CTNND2: variants seen among roughly 807,000 people sequenced by gnomAD.
CTNND2 encodes catenin delta 2, also known as catenin delta-2.
In CTNND2, 22 loss-of-function variants were observed where a neutral mutation model predicts 144.4. That is an observed-to-expected ratio of 0.15 (90% CI 0.11 to 0.22). The LOEUF is 0.22. Among genes scored for constraint, CTNND2 ranks in the 10% least tolerant of loss-of-function variants. The probability of loss-of-function intolerance (pLI) is 1.00; values close to 1 mark genes in which losing one functional copy is unlikely to be tolerated. For missense variants in CTNND2, 1,353 were observed against 1,618.8 expected, an observed-to-expected ratio of 0.84 and a Z score of 2.82; for synonymous variants, 751 against 695.6, an observed-to-expected ratio of 1.08 and a Z score of -1.25.
At chr5:11,323,019 C>A (rs368129867) in intron 9 of CTNND2, among the ~76,000 whole-genome samples, 36 of 152,190 alleles carry the variant, frequency 2.4e-4, no homozygotes, top group African/African-American at 7.2e-4. Context: ...ATGTGAGGCA[C>A]AAGTTTACCA....
At chr5:11,501,025 GTTGT>G (rs141910002) in intron 3 of CTNND2, among the ~76,000 whole-genome samples, 4,126 of 152,080 alleles carry the variant, frequency 0.027, 76 homozygotes, top group Non-Finnish European at 0.041. Flanking sequence ...GAATTTTCTT[GTTGT>G]TTAACTTTTT....
At chr5:11,743,631 G>C (rs1788143594) in intron 1 of CTNND2, among the ~76,000 whole-genome samples, 1 of 152,196 alleles carries the variant, frequency 6.6e-6, no homozygotes, top group Non-Finnish European at 1.5e-5. Context: ...GCAGGAGGCA[G>C]AGGAATTTCA....
At chr5:11,798,422 C>T (rs1791512994) in intron 1 of CTNND2, among the ~76,000 whole-genome samples, 1 of 152,082 alleles carries the variant, frequency 6.6e-6, no homozygotes, top group Non-Finnish European at 1.5e-5. Flanking sequence ...TGCCAGTGTG[C>T]ATGTGTGTGT....
intron 3 of CTNND2, among the ~76,000 whole-genome samples, chr5:11,446,693 A>C (rs929115368): frequency 6.6e-6 from 1 of 152,074 alleles, no homozygotes; most frequent in African/African-American, 2.4e-5. Context: ...TGGGGAAAGG[A>C]ATGTGAATTT....
At chr5:11,525,807 G>C (rs1430429119) in intron 3 of CTNND2, among the ~76,000 whole-genome samples, 1 of 152,238 alleles carries the variant, frequency 6.6e-6, no homozygotes, top group Non-Finnish European at 1.5e-5. Context: ...CCTGTTCAGG[G>C]CTTGGTGGCC....
chr5:11,786,195 G>A (rs564045334), intron 1 of CTNND2, among the ~76,000 whole-genome samples: 7 of 152,342 alleles, frequency 4.6e-5, no homozygotes, highest in African/African-American at 1.4e-4. Flanking sequence ...GCAGAGGACA[G>A]GGGCTGCTTT....
At chr5:11,817,520 C>T (rs1289732270) in intron 1 of CTNND2, among the ~76,000 whole-genome samples, 1 of 150,482 alleles carries the variant, frequency 6.6e-6, no homozygotes, top group Non-Finnish European at 1.5e-5. Context: ...AACACAACCC[C>T]ATTCCCCACA....
chr5:11,145,543 G>A (rs530229411), intron 12 of CTNND2, among the ~76,000 whole-genome samples: 2 of 152,226 alleles, frequency 1.3e-5, no homozygotes, highest in South Asian at 4.2e-4. Context: ...AACTAACTGA[G>A]GTTCCTAGAG....
At chr5:11,728,282 C>T (rs993867565) in intron 2 of CTNND2, among the ~76,000 whole-genome samples, 78 of 151,426 alleles carry the variant, frequency 5.2e-4, no homozygotes, top group Admixed American at 4.2e-3. Flanking sequence ...ACCAGCTCGA[C>T]CAACATGGTG....
At chr5:11,614,693 A>T in intron 2 of CTNND2, among the ~76,000 whole-genome samples, 1 of 152,210 alleles carries the variant, frequency 6.6e-6, no homozygotes, top group East Asian at 1.9e-4. Flanking sequence ...GGAATATTCT[A>T]GGGCAGTGAT....
rs553589565 is a variant in CTNND2, at chr5:11,845,617, T to G, written c.37+58200A>C. ...GAACAGACTCTCCCTCACAGCCTTT[T>G]AAAGAGACACCTTGGTCTTTGACTT... On this transcript the variant is annotated intron_variant, in intron 1 of 21. Transcript: ENST00000304623. 1.6e-4 allele frequency among the ~76,000 whole-genome samples: 24 copies of G among 152,196 alleles called. 1 individual carries two copies. The highest frequency in any genetic ancestry group is 2.9e-4 in the Non-Finnish European group (20 of 68,046).
intron 3 of CTNND2, among the ~76,000 whole-genome samples, chr5:11,530,066 T>C (rs895639942): frequency 1.3e-5 from 2 of 149,898 alleles, no homozygotes; most frequent in Non-Finnish European, 3.0e-5. Flanking sequence ...CCAATGGAAT[T>C]GGCATCCTAG....
intron 16 of CTNND2, among the ~76,000 whole-genome samples, chr5:11,074,169 G>C (rs1256464258): frequency 1.3e-5 from 2 of 152,202 alleles, no homozygotes; most frequent in Admixed American, 6.5e-5. Context: ...CGTGATCAGT[G>C]ACCCTCAAGA....
At chr5:11,382,091 A>G (rs1758546491) in intron 7 of CTNND2, among the ~76,000 whole-genome samples, 2 of 152,204 alleles carry the variant, frequency 1.3e-5, no homozygotes, top group South Asian at 4.1e-4. Flanking sequence ...ATACCCAGCT[A>G]ACAAACCCAG....
intron 8 of CTNND2, among the ~76,000 whole-genome samples, chr5:11,359,995 A>G (rs1756283181): frequency 6.6e-6 from 1 of 152,154 alleles, no homozygotes; most frequent in African/African-American, 2.4e-5. Flanking sequence ...ATGTTCCTAT[A>G]TGCATGCTCA....
intron 9 of CTNND2, among the ~76,000 whole-genome samples, chr5:11,254,911 C>A (rs192999269): frequency 6.6e-6 from 1 of 152,152 alleles, no homozygotes; most frequent in Non-Finnish European, 1.5e-5. Flanking sequence ...AGAGGCACTA[C>A]ATTAGGTCAA....
chr5:11,626,001 G>A (rs1581628441), intron 2 of CTNND2, among the ~76,000 whole-genome samples: 3 of 151,940 alleles, frequency 2.0e-5, no homozygotes, highest in South Asian at 4.2e-4. Flanking sequence ...AATATATAAC[G>A]TTTCTGCTGA....
At chr5:11,504,789 C>G (rs1003422831) in intron 3 of CTNND2, among the ~76,000 whole-genome samples, 17 of 152,170 alleles carry the variant, frequency 1.1e-4, no homozygotes, top group African/African-American at 3.9e-4. Flanking sequence ...TAGGGCAACA[C>G]CTCTCTGTTA....
chr5:11,545,561 C>T (rs1775158950), intron 3 of CTNND2, among the ~76,000 whole-genome samples: 2 of 144,080 alleles, frequency 1.4e-5, no homozygotes, highest in South Asian at 4.4e-4. Flanking sequence ...CCTCGGGAGA[C>T]TGAAGGCAGG....
Sources: allele counts gnomAD v4.1 joint callset (sites outside exome capture counted in the v4.1 genomes callset), GRCh38; gene constraint gnomAD v4.1.1; transcripts MANE v1.5; gene names NCBI Gene and HGNC (gene_info 2026-07-23, HGNC 2026-07-21).